NF2: variants seen among roughly 807,000 people sequenced by gnomAD.
NF2 encodes the protein merlin.
A neutral mutation model predicts 83.7 loss-of-function variants in NF2; 8 were observed. The observed-to-expected ratio is 0.10, with a 90% CI of 0.06 to 0.17. NF2 has a LOEUF of 0.17. NF2 is among the 10% of genes least tolerant of loss of function. NF2 has a pLI of 1.00. For synonymous variants in NF2, 266 were observed against 269.6 expected, an observed-to-expected ratio of 0.99 and a Z score of 0.13; for missense variants, 533 against 744.4, an observed-to-expected ratio of 0.72 and a Z score of 3.31.
chr22:29,633,418 T>G (rs1287152515), intron 1 of NF2, among the ~76,000 whole-genome samples: 3 of 152,166 alleles, frequency 2.0e-5, no homozygotes, highest in African/African-American at 4.8e-5. Context: ...CAGGCACCTG[T>G]TCTGTGACTC....
At chr22:29,659,853 G>T (rs373136558) in intron 7 of NF2, among the ~76,000 whole-genome samples, 4 of 152,194 alleles carry the variant, frequency 2.6e-5, no homozygotes, top group East Asian at 3.8e-4. Context: ...TATTAATGCA[G>T]TAGCTTTCAT....
chr22:29,622,646 ATT>A (rs35744962), intron 1 of NF2, among the ~76,000 whole-genome samples: 196 of 63,244 alleles, frequency 3.1e-3, no homozygotes, highest in African/African-American at 0.011. Context: ...AAGACCCTGT[ATT>A]TTTTTTTTTT....
intron 15 of NF2, chr22:29,683,087 C>A: frequency 1.2e-6 from 2 of 1,614,204 alleles, no homozygotes; most frequent in Non-Finnish European, 1.7e-6. Flanking sequence ...CAGGTACTCT[C>A]TATGTGGTGA....
chr22:29,681,383 G>A, intron 14 of NF2, 56 bp from the exon 15 acceptor site: 1 of 1,607,682 alleles, frequency 6.2e-7, no homozygotes, highest in Admixed American at 1.7e-5. Context: ...CAGAGCACCT[G>A]AGCCGTGTCT....
chr22:29,614,688 C>T (rs2065039400), intron 1 of NF2, among the ~76,000 whole-genome samples: 2 of 151,892 alleles, frequency 1.3e-5, no homozygotes. Flanking sequence ...GAGCTGAGAT[C>T]ACGCCATTGC....
chr22:29,674,579 C>G (rs924263515), intron 12 of NF2, among the ~76,000 whole-genome samples: 1 of 152,226 alleles, frequency 6.6e-6, no homozygotes, highest in African/African-American at 2.4e-5. Flanking sequence ...TGCAGAAGGT[C>G]TGGTTTCTCT....
In NF2 at chr22:29,658,185, A is replaced by G. The variant is rs754891311; in HGVS notation, c.600-4A>G. The G allele has an allele frequency of 6.2e-7, 1 of 1,613,906 alleles. No homozygotes were observed. The highest frequency in any genetic ancestry group is 1.1e-5 in the South Asian group (1 of 91,072). On this transcript the variant is annotated splice_region_variant and splice_polypyrimidine_tract_variant and intron_variant, in intron 6 of 15. Coordinates refer to ENST00000338641, the MANE Select transcript of NF2 (RefSeq NM_000268.4). ...AATGACAGTGTCTTCCGTTCTCCCCACAGGGATGAAGCTGAAATGGAATAT... is the reference window on the plus strand; with the variant it reads ...AATGACAGTGTCTTCCGTTCTCCCCGCAGGGATGAAGCTGAAATGGAATAT...
intron 7 of NF2, among the ~76,000 whole-genome samples, chr22:29,658,744 G>C (rs995619113): frequency 1.3e-5 from 2 of 151,654 alleles, no homozygotes; most frequent in African/African-American, 4.9e-5. Context: ...TTAATAGTCT[G>C]CTGTCTGCTG....
chr22:29,671,608 C>T (rs1238247454), intron 10 of NF2, among the ~76,000 whole-genome samples: 2 of 151,408 alleles, frequency 1.3e-5, no homozygotes, highest in Non-Finnish European at 2.9e-5. Flanking sequence ...TTTGTTCATT[C>T]ACCACTAGAC....
chr22:29,615,327 C>T (rs564660932), intron 1 of NF2, among the ~76,000 whole-genome samples: 156 of 152,336 alleles, frequency 1.0e-3, no homozygotes, highest in African/African-American at 3.6e-3. Context: ...AATTCCTGCA[C>T]TTTGGGAGAC....
At chr22:29,678,385 T>C (rs2067031714) in intron 14 of NF2, 62 bp downstream of exon 14, 2 of 1,601,810 alleles carry the variant, frequency 1.2e-6, no homozygotes, top group African/African-American at 1.3e-5. Flanking sequence ...ATTGGGGCCT[T>C]GGGAAGCTGG....
At chr22:29,646,419 T>C (rs1188474774) in intron 4 of NF2, among the ~76,000 whole-genome samples, 1 of 152,200 alleles carries the variant, frequency 6.6e-6, no homozygotes, top group African/African-American at 2.4e-5. Context: ...TGCCTTTCAC[T>C]AAAGGCTAGT....
intron 15 of NF2, among the ~76,000 whole-genome samples, chr22:29,690,478 G>C (rs2067375385): frequency 6.6e-6 from 1 of 152,172 alleles, no homozygotes; most frequent in South Asian, 2.1e-4. Context: ...AAGTGGGCAG[G>C]GGAAAAGGGA....
At chr22:29,623,533 G>A (rs1333614977) in intron 1 of NF2, among the ~76,000 whole-genome samples, 1 of 152,174 alleles carries the variant, frequency 6.6e-6, no homozygotes, top group Non-Finnish European at 1.5e-5. Flanking sequence ...CTAGGCAGAT[G>A]TAAGCATCTA....
intron 15 of NF2, among the ~76,000 whole-genome samples, chr22:29,689,204 AAAGT>A (rs1232222026): frequency 6.7e-6 from 1 of 148,186 alleles, no homozygotes; most frequent in African/African-American, 2.5e-5. Context: ...AAAAAAAGAG[AAAGT>A]AAAGAAAAGC....
Position 29,643,962 on chromosome 22 carries a change from C to T in NF2, c.447+1677C>T, listed in dbSNP as rs374862921. ...CTCCCGGACGGGGCGGCTGGCCTGG[C>T]GGGGGGCTGACCCCCCCACCTCCCT... is the stretch of plus-strand genomic sequence containing the variant. On this transcript the variant is annotated intron_variant, in intron 4 of 15. Coordinates refer to ENST00000338641, the MANE Select transcript of NF2 (RefSeq NM_000268.4). Among the ~76,000 whole-genome samples, 430 of 127,920 alleles carry T rather than the reference C, an allele frequency of 3.4e-3. 10 individuals are homozygous for T. In the East Asian group the frequency reaches 0.076, roughly 23 times the overall value. The allele number at this position is 127,920 out of a possible 152,430, so 83.9% of individuals were successfully genotyped here. A position where few individuals can be genotyped will look rare whatever the true frequency, so the allele number is the denominator to read the frequency against.
In NF2 at chr22:29,636,455, A is replaced by G. The variant is rs916889186; in HGVS notation, c.115-296A>G. 2.0e-5 allele frequency among the ~76,000 whole-genome samples: 3 copies of G among 152,218 alleles called. No individual in the cohort carries two copies. Among genetic ancestry groups the G allele is most frequent in the Admixed American group, 6.5e-5 (1 of 15,280 alleles). ...AGAGGCTAGACTCTCCTAAATGAGGATGCTTATTTACCAGCTTTCCTAAAT... is the reference window on the plus strand; with the variant it reads ...AGAGGCTAGACTCTCCTAAATGAGGGTGCTTATTTACCAGCTTTCCTAAAT... On this transcript the variant is annotated intron_variant, in intron 1 of 15. Transcript: ENST00000338641. The surrounding 1 kb of genome is among the most constrained non-coding windows in gnomAD (Gnocchi z 4.4).
intron 9 of NF2, among the ~76,000 whole-genome samples, chr22:29,667,249 A>G (rs1181118470): frequency 6.7e-6 from 1 of 148,820 alleles, no homozygotes; most frequent in South Asian, 2.1e-4. Flanking sequence ...TTTTTTTTTG[A>G]GATTTTGAGA....
intron 1 of NF2, among the ~76,000 whole-genome samples, chr22:29,623,188 T>C (rs2065259694): frequency 6.6e-6 from 1 of 150,966 alleles, no homozygotes; most frequent in South Asian, 2.1e-4. Context: ...CAAGCGATCC[T>C]TCCGCCTCAG....
Sources: gnomAD v4.1 joint callset for allele counts (sites outside exome capture counted in the v4.1 genomes callset) on GRCh38, gnomAD v4.1.1 for gene constraint, Gnocchi (gnomAD v3.1) non-coding constraint, MANE v1.5 for transcripts, NCBI Gene and HGNC (gene_info 2026-07-23, HGNC 2026-07-21) for gene names.